PDCD6IP: variants seen among roughly 807,000 people sequenced by gnomAD.
PDCD6IP encodes the protein programmed cell death 6-interacting protein.
In PDCD6IP, 43 loss-of-function variants were observed where a neutral mutation model predicts 103.7. That is an observed-to-expected ratio of 0.41 (90% CI 0.32 to 0.53). PDCD6IP has a LOEUF of 0.53. Ranked by LOEUF, PDCD6IP falls within the 20% of genes least tolerant of loss-of-function variation. The probability of loss-of-function intolerance (pLI) is 0.16; values close to 1 mark genes in which losing one functional copy is unlikely to be tolerated. For synonymous variants in PDCD6IP, 354 were observed against 378.7 expected (o/e 0.93, Z 0.76); for missense variants, 871 against 1,036.7 (o/e 0.84, Z 2.20).
chr3:33,811,073 A>G, intron 1 of PDCD6IP: 1 of 438,968 alleles, frequency 2.3e-6, no homozygotes, highest in Non-Finnish European at 4.6e-6. Flanking sequence ...TTTAGTAGAG[A>G]CAGGGTTTTG....
At position 33,857,499 on chromosome 3, in the gene PDCD6IP, AC is replaced by A. The variant is rs535683499; in HGVS notation, c.2120+2241del. Among the ~76,000 whole-genome samples, 4 of 152,340 alleles carry A rather than the reference AC, an allele frequency of 2.6e-5. No homozygotes were observed. In the South Asian group the frequency reaches 8.3e-4, roughly 32 times the overall value. On this transcript the variant is annotated intron_variant, in intron 15 of 17. Transcript: ENST00000307296. Reference sequence around the variant, plus strand: ...CCATATTAGTCTTAATGATAAAAAAACCTAACAAAGATTAATACAAAACAGT... The same window carrying A: ...CCATATTAGTCTTAATGATAAAAAAACTAACAAAGATTAATACAAAACAGT...
chr3:33,864,373 A>G (rs1284371088), intron 16 of PDCD6IP, among the ~76,000 whole-genome samples: 1 of 152,230 alleles, frequency 6.6e-6, no homozygotes, highest in Non-Finnish European at 1.5e-5. Context: ...AAAACAAATG[A>G]TAAAATAAGA....
chr3:33,854,937 T>C (rs1353255144), intron 14 of PDCD6IP: 1 of 268,090 alleles, frequency 3.7e-6, no homozygotes, highest in African/African-American at 2.2e-5. Context: ...TTGTTACATT[T>C]TTTATGATAA....
chr3:33,869,439 T>A lies in PDCD6IP; in HGVS notation c.*2914T>A, dbSNP rs1372484713. The A allele has an allele frequency of 6.6e-6, 1 of 152,250 alleles. No homozygotes were observed. The highest frequency in any genetic ancestry group is 2.4e-5 in the African/African-American group (1 of 41,470). 9.4% of individuals were successfully genotyped at this position (152,250 alleles called of 1,614,324 possible). The stretch of plus-strand genomic sequence containing the variant: ...AAAATAGACTAGAACAGGTTCATTT[T>A]AAGATTTACTTGGAAGAGCAAAGAA... On this transcript the variant is annotated 3_prime_UTR_variant, in exon 18 of 18. Transcript: ENST00000307296.
intron 6 of PDCD6IP, chr3:33,827,529 C>G (rs12497014): frequency 6.6e-6 from 1 of 152,156 alleles, no homozygotes; most frequent in African/African-American, 2.4e-5. Context: ...CACCAAGAGC[C>G]TAGTAGAAAT....
chr3:33,844,554 C>G (rs555545866), intron 11 of PDCD6IP, among the ~76,000 whole-genome samples: 1 of 152,176 alleles, frequency 6.6e-6, no homozygotes, highest in South Asian at 2.1e-4. Flanking sequence ...GATCACAGCT[C>G]GCTGCAGCCC....
At chr3:33,816,563 A>G (rs1367360636) in intron 3 of PDCD6IP, among the ~76,000 whole-genome samples, 1 of 151,430 alleles carries the variant, frequency 6.6e-6, no homozygotes, top group African/African-American at 2.4e-5. Flanking sequence ...TGATCATCCC[A>G]GGTCCAGGCT....
At chr3:33,803,799 A>T (rs1239598486) in intron 1 of PDCD6IP, among the ~76,000 whole-genome samples, 1 of 151,994 alleles carries the variant, frequency 6.6e-6, no homozygotes, top group Non-Finnish European at 1.5e-5. Flanking sequence ...TCATTTTTTT[A>T]AAAAATGTTC....
intron 15 of PDCD6IP, among the ~76,000 whole-genome samples, chr3:33,861,059 A>G (rs1221613949): frequency 6.6e-6 from 1 of 151,800 alleles, no homozygotes; most frequent in Non-Finnish European, 1.5e-5. Flanking sequence ...GTATGTCCAA[A>G]GTATTATTTT....
In PDCD6IP at chr3:33,798,872, G is replaced by A. The variant is rs1241830978; in HGVS notation, c.144G>A (p.Lys48=). ...QYCRAAEELS[K]LRRAAVGRPL... ...GCCGCGCGGCGGAGGAGCTCAGCAA[G>A]CTGCGCCGCGCCGCAGTCGGTCGTC... is the stretch of plus-strand genomic sequence containing the variant. The change falls in exon 1 of 18, where the codon AAG becomes AAA. Residue 48 remains lysine, a synonymous_variant. Transcript: ENST00000307296. 6 of 1,549,534 alleles carry A rather than the reference G, an allele frequency of 3.9e-6. No homozygotes were observed. The highest frequency in any genetic ancestry group is 5.2e-6 in the Non-Finnish European group (6 of 1,145,900).
At position 33,826,574 on chromosome 3, in the gene PDCD6IP, C is replaced by T; in HGVS notation, c.711C>T (p.Leu237=). ...AACAGTGTCAATACAAAGATACTCT[C>T]CCCAAGGTCAGTTATTGTTTTTATA... ...AFKQCQYKDT[L]PKEVFPVLAA... The change falls in exon 6 of 18, where the codon CTC becomes CTT. Residue 237 remains leucine (L), a synonymous_variant. Transcript: ENST00000307296. 6.2e-7 allele frequency: 1 copy of T among 1,611,128 alleles called. No individual in the cohort carries two copies.
chr3:33,842,367 C>G lies in PDCD6IP; in HGVS notation c.1359+293C>G, dbSNP rs558203603. Among the ~76,000 whole-genome samples the G allele has an allele frequency of 2.6e-5, 4 of 152,198 alleles. No individual in the cohort carries two copies. The South Asian group carries it at 6.2e-4, about 24-fold the overall frequency. On this transcript the variant is annotated intron_variant, in intron 10 of 17. Coordinates refer to ENST00000307296, the MANE Select transcript of PDCD6IP (RefSeq NM_013374.6). ...TCAACTGTCATACAAACTGTTCAGT[C>G]TTTGTAATTATTGATTTATTTTATG...
At position 33,806,520 on chromosome 3, in the gene PDCD6IP, A is replaced by G. The variant is rs550047271; in HGVS notation, c.210-5552A>G. 1.3e-4 allele frequency among the ~76,000 whole-genome samples: 20 copies of G among 152,352 alleles called. No individual in the cohort carries two copies. The South Asian group carries it at 2.5e-3, about 19-fold the overall frequency. ...TTCGCTTATTTCTAAAATAGAATCT[A>G]TGAAGACACCAATTTTTTTGCACCA... On this transcript the variant is annotated intron_variant, in intron 1 of 17. Coordinates refer to ENST00000307296, the MANE Select transcript of PDCD6IP (RefSeq NM_013374.6).
chr3:33,819,946 G>T (rs1321724608), intron 3 of PDCD6IP, among the ~76,000 whole-genome samples: 1 of 152,038 alleles, frequency 6.6e-6, no homozygotes, highest in South Asian at 2.1e-4. Flanking sequence ...ACATCATCTC[G>T]AGAACTCTTT....
chr3:33,857,835 T>A (rs1697862819), intron 15 of PDCD6IP, among the ~76,000 whole-genome samples: 2 of 152,204 alleles, frequency 1.3e-5, no homozygotes, highest in African/African-American at 4.8e-5. Context: ...CAAAACTCAG[T>A]ATAGTGATTA....
rs1447806433 is a variant in PDCD6IP, at chr3:33,825,171, T to C, written c.463-16T>C. The C allele has an allele frequency of 6.3e-7, 1 of 1,599,550 alleles. No individual in the cohort carries two copies. Among genetic ancestry groups the C allele is most frequent in the East Asian group, 2.2e-5 (1 of 44,740 alleles). On this transcript the variant is annotated splice_polypyrimidine_tract_variant and intron_variant, in intron 4 of 17. Transcript: ENST00000307296. ...TTGCTGAGTTCCTATAAAGAAATTCTTTTTCCCCCCTTTAGTTTGCTAGTG... is the reference window on the plus strand; with the variant it reads ...TTGCTGAGTTCCTATAAAGAAATTCCTTTTCCCCCCTTTAGTTTGCTAGTG...
At chr3:33,844,744 G>C (rs1020862045) in intron 11 of PDCD6IP, among the ~76,000 whole-genome samples, 2 of 152,140 alleles carry the variant, frequency 1.3e-5, no homozygotes, top group Non-Finnish European at 2.9e-5. Flanking sequence ...ACTTCCCAAA[G>C]TGATGAGATT....
intron 1 of PDCD6IP, among the ~76,000 whole-genome samples, chr3:33,810,355 T>C (rs1381750235): frequency 6.6e-6 from 1 of 152,200 alleles, no homozygotes; most frequent in Non-Finnish European, 1.5e-5. Flanking sequence ...TAAAGCTACC[T>C]CCTGTGCCCT....
intron 7 of PDCD6IP, among the ~76,000 whole-genome samples, chr3:33,831,085 C>T (rs1697234251): frequency 6.6e-6 from 1 of 152,010 alleles, no homozygotes; most frequent in East Asian, 1.9e-4. Context: ...ACTTCTGGGG[C>T]CAAGAAAAAT....
Sources: gnomAD v4.1 joint callset for allele counts (sites outside exome capture counted in the v4.1 genomes callset) on GRCh38, gnomAD v4.1.1 for gene constraint, MANE v1.5 for transcripts, NCBI Gene and HGNC (gene_info 2026-07-23, HGNC 2026-07-21) for gene names.